The following CAMSAP1 variants were observed in gnomAD, a reference collection of about 807,000 sequenced individuals.
CAMSAP1 encodes calmodulin-regulated spectrin-associated protein 1.
CAMSAP1 carries 58 observed loss-of-function variants against 143.5 expected under a neutral mutation model. That is an observed-to-expected ratio of 0.40 (90% confidence interval 0.33 to 0.50). The LOEUF (loss-of-function observed/expected upper bound fraction) is 0.50. Among genes scored for constraint, CAMSAP1 ranks in the 20% least tolerant of loss-of-function variants. The probability of loss-of-function intolerance (pLI) is 0.45; values close to 1 mark genes in which losing one functional copy is unlikely to be tolerated. For missense variants in CAMSAP1, 1,969 were observed against 2,115.7 expected, an observed-to-expected ratio of 0.93 and a Z score of 1.36; for synonymous variants, 945 against 859.3, an observed-to-expected ratio of 1.10 and a Z score of -1.74.
rs558375823 is a variant in CAMSAP1, at chr9:135,864,005, T to G, written c.667-1397A>C. 1.8e-3 allele frequency among the ~76,000 whole-genome samples: 275 copies of G among 152,326 alleles called. 3 individuals carry two copies. Among genetic ancestry groups the G allele is most frequent in the Non-Finnish European group, 4.7e-4 (32 of 68,036 alleles). On this transcript the variant is annotated intron_variant, in intron 4 of 16. Coordinates refer to ENST00000389532, the MANE Select transcript of CAMSAP1 (RefSeq NM_015447.4). ...TTGTATAGCTGCCTTGCAAATCAGG[T>G]GCTGTGAACCTCTAGGCTGTACAGT... is the stretch of plus-strand genomic sequence containing the variant.
chr9:135,905,972 A>C (rs753806028), intron 1 of CAMSAP1, among the ~76,000 whole-genome samples: 46 of 152,230 alleles, frequency 3.0e-4, no homozygotes, highest in Non-Finnish European at 5.6e-4. Context: ...GTAAACAAGA[A>C]CTGTAAAACT....
chr9:135,905,938 A>C (rs570398442), intron 1 of CAMSAP1, among the ~76,000 whole-genome samples: 1 of 152,382 alleles, frequency 6.6e-6, no homozygotes, highest in South Asian at 2.1e-4. Flanking sequence ...ATTACAACAC[A>C]GAAACTAAGG....
chr9:135,884,824 G>A (rs536972495), intron 1 of CAMSAP1, among the ~76,000 whole-genome samples: 2 of 152,316 alleles, frequency 1.3e-5, no homozygotes, highest in South Asian at 4.1e-4. Flanking sequence ...ACGCCGGAGT[G>A]AGACGTCCCA....
chr9:135,863,671 TA>T (rs1308078904), intron 4 of CAMSAP1, among the ~76,000 whole-genome samples: 1 of 152,222 alleles, frequency 6.6e-6, no homozygotes, highest in Non-Finnish European at 1.5e-5. Context: ...CACATTCTCT[TA>T]AATTTAGCAA....
intron 7 of CAMSAP1, chr9:135,836,543 C>T (rs1168802282): frequency 1.0e-6 from 1 of 981,638 alleles, no homozygotes; most frequent in East Asian, 1.2e-4. Flanking sequence ...CAGTCATGTA[C>T]CTTCTACCCC....
chr9:135,841,554 G>A (rs1459774348), intron 7 of CAMSAP1, among the ~76,000 whole-genome samples: 1 of 152,240 alleles, frequency 6.6e-6, no homozygotes, highest in Non-Finnish European at 1.5e-5. Flanking sequence ...TCCTGACTGG[G>A]TGTTTACCTC....
chr9:135,874,427 G>A (rs550072001), intron 3 of CAMSAP1, among the ~76,000 whole-genome samples: 6 of 120,648 alleles, frequency 5.0e-5, no homozygotes, highest in Admixed American at 2.2e-4. Context: ...AGCTATGATC[G>A]TACCACCTGT....
intron 5 of CAMSAP1, 103 bp from the exon 6 acceptor site, chr9:135,850,564 G>T: frequency 1.1e-6 from 1 of 897,210 alleles, no homozygotes; most frequent in Non-Finnish European, 1.6e-6. Context: ...AGGTAGTAAT[G>T]AAGATAATGA....
intron 8 of CAMSAP1, among the ~76,000 whole-genome samples, chr9:135,825,758 G>GC (rs1278553980): frequency 1.3e-5 from 2 of 149,294 alleles, no homozygotes; most frequent in African/African-American, 2.4e-5. Context: ...GTGCAGACAG[G>GC]CTGGGGAGAT....
chr9:135,822,351 C>A lies in CAMSAP1; in HGVS notation c.2310G>T (p.Ser770=). Residue 770 remains serine, a synonymous_variant, in exon 11 of 17, where the codon TCG becomes TCT. Coordinates refer to ENST00000389532, the MANE Select transcript of CAMSAP1 (RefSeq NM_015447.4). The surrounding 1 kb of genome is among the most constrained non-coding windows in gnomAD (Gnocchi z 6.1). Reference sequence around the variant, plus strand: ...CCTTCATGTCCTCCTGCAGTTTGGCCGACTCTTCCTCCCCAATGTATCTGC... The same window carrying A: ...CCTTCATGTCCTCCTGCAGTTTGGCAGACTCTTCCTCCCCAATGTATCTGC... ...VFSRYIGEEE[S]AKLQEDMKVK... is the part of the protein sequence containing the mutation. 6.2e-7 allele frequency: 1 copy of A among 1,613,962 alleles called. No individual in the cohort carries two copies. The highest frequency in any genetic ancestry group is 1.1e-5 in the South Asian group (1 of 91,082).
intron 11 of CAMSAP1, among the ~76,000 whole-genome samples, chr9:135,819,844 C>CT (rs1175253377): frequency 6.7e-6 from 1 of 149,108 alleles, no homozygotes; most frequent in African/African-American, 2.5e-5. Flanking sequence ...CAGACTCTGT[C>CT]CAAAAAAAAA....
intron 1 of CAMSAP1, among the ~76,000 whole-genome samples, chr9:135,902,599 AAGTT>A (rs1838650842): frequency 6.6e-6 from 1 of 152,208 alleles, no homozygotes. Flanking sequence ...TCATCATGTC[AAGTT>A]AGCAAACCGG....
At position 135,824,804 on chromosome 9, in the gene CAMSAP1, C is replaced by T; in HGVS notation, c.1300G>A (p.Gly434Arg). ...LRQKQQKSIQ[G>R]EDIPDQRHRS... ...ACATTCTTACCAGGGATGTCCTCTC[C>T]CTGTATGGATTTCTGCTGTTTCTGT... Residue 434 changes from glycine to arginine, a missense_variant, in exon 9 of 17, where the codon GGA (glycine) becomes AGA (arginine). Coordinates refer to ENST00000389532, the MANE Select transcript of CAMSAP1 (RefSeq NM_015447.4). The surrounding 1 kb of genome is among the most constrained non-coding windows in gnomAD (Gnocchi z 4.1). 1 of 1,594,490 alleles carries T rather than the reference C, an allele frequency of 6.3e-7. No individual in the cohort carries two copies. The highest frequency in any genetic ancestry group is 1.3e-5 in the African/African-American group (1 of 74,544).
At chr9:135,838,942 T>C (rs939399833) in intron 7 of CAMSAP1, among the ~76,000 whole-genome samples, 32 of 148,876 alleles carry the variant, frequency 2.1e-4, no homozygotes, top group African/African-American at 8.0e-4. Flanking sequence ...TTCAGAGACA[T>C]ATCACCACAC....
At position 135,818,192 on chromosome 9, in the gene CAMSAP1, C is replaced by T. The variant is rs1366079140; in HGVS notation, c.4169-113G>A. The T allele has an allele frequency of 3.3e-6, 4 of 1,211,834 alleles. No individual in the cohort carries two copies. The highest frequency in any genetic ancestry group is 3.0e-5 in the African/African-American group (2 of 66,548). The allele number at this position is 1,211,834 out of a possible 1,614,324, so 75.1% of individuals were successfully genotyped here. Reference sequence around the variant, plus strand: ...CTGCAGAGCTCGGCCACACAGGCCGCGTCCCCACCCCATCCCGGGGAGCCG... The same window carrying T: ...CTGCAGAGCTCGGCCACACAGGCCGTGTCCCCACCCCATCCCGGGGAGCCG... On this transcript the variant is annotated intron_variant, in intron 13 of 16. Coordinates refer to ENST00000389532, the MANE Select transcript of CAMSAP1 (RefSeq NM_015447.4). The surrounding 1 kb of genome is among the most constrained non-coding windows in gnomAD (Gnocchi z 7.7).
At chr9:135,865,652 G>A (rs62582755) in intron 4 of CAMSAP1, among the ~76,000 whole-genome samples, 21,242 of 152,176 alleles carry the variant, frequency 0.14, 1,672 homozygotes, top group Non-Finnish European at 0.17. Context: ...CAGCTCTGAC[G>A]CGGGAAGGGT....
Position 135,821,494 on chromosome 9 carries a change from G to A in CAMSAP1, c.3167C>T (p.Pro1056Leu). ...EQLLMKSPTV[P>L]VPGSKNNSQD... ...CGAGTTATTCTTAGAGCCTGGCACTGGGACTGTGGGGGACTTCATCAGAAG... is the reference window on the plus strand; with the variant it reads ...CGAGTTATTCTTAGAGCCTGGCACTAGGACTGTGGGGGACTTCATCAGAAG... The change falls in exon 11 of 17, where the codon CCA (proline) becomes CTA (leucine). Residue 1056 changes from proline (P) to leucine (L), a missense_variant. Pro to Leu is a moderately conservative substitution (Grantham distance 98). Coordinates refer to ENST00000389532, the MANE Select transcript of CAMSAP1 (RefSeq NM_015447.4). This position sits in a 1 kb window ranked among gnomAD's most constrained non-coding sequence, Gnocchi z 4.6. The A allele has an allele frequency of 6.2e-7, 1 of 1,614,062 alleles. No individual in the cohort carries two copies. The highest frequency in any genetic ancestry group is 8.5e-7 in the Non-Finnish European group (1 of 1,179,894).
At chr9:135,884,465 C>T (rs969291001) in intron 1 of CAMSAP1, among the ~76,000 whole-genome samples, 1 of 152,180 alleles carries the variant, frequency 6.6e-6, no homozygotes, top group Non-Finnish European at 1.5e-5. Context: ...ATCTGAGCAC[C>T]TCATAGCTGG....
At chr9:135,853,807 G>C (rs1488960107) in intron 5 of CAMSAP1, among the ~76,000 whole-genome samples, 1 of 152,158 alleles carries the variant, frequency 6.6e-6, no homozygotes, top group African/African-American at 2.4e-5. Flanking sequence ...GCTTCTCCTG[G>C]GCCTTCAATG....
Sources: gnomAD v4.1 joint callset for allele counts (sites outside exome capture counted in the v4.1 genomes callset) on GRCh38, gnomAD v4.1.1 for gene constraint, Gnocchi (gnomAD v3.1) non-coding constraint, MANE v1.5 for transcripts, NCBI Gene and HGNC (gene_info 2026-07-23, HGNC 2026-07-21) for gene names.